Variants in FGF14 observed in about 807,000 individuals in gnomAD.
The protein encoded by FGF14 is fibroblast growth factor homologous factor 4.
A neutral mutation model predicts 25.5 loss-of-function variants in FGF14; 5 were observed. The observed-to-expected ratio is 0.20, with a 90% confidence interval of 0.10 to 0.41. The LOEUF (loss-of-function observed/expected upper bound fraction) is 0.41. Ranked by LOEUF, FGF14 falls within the 10% of genes least tolerant of loss-of-function variation. FGF14 has a pLI of 1.00. For synonymous variants in FGF14, 138 were observed against 118.3 expected (o/e 1.17, Z -1.08); for missense variants, 222 against 320.1 (o/e 0.69, Z 2.34).
intron 1 of FGF14, among the ~76,000 whole-genome samples, chr13:102,135,699 A>G (rs569363131): frequency 1.3e-5 from 2 of 152,202 alleles, no homozygotes; most frequent in South Asian, 2.1e-4. Flanking sequence ...TCTATTGCTC[A>G]GGCTGGAGTG....
At chr13:101,989,762 C>A (rs2038794125) in intron 1 of FGF14, among the ~76,000 whole-genome samples, 1 of 152,088 alleles carries the variant, frequency 6.6e-6, no homozygotes, top group African/African-American at 2.4e-5. Context: ...ATTTTCTCCA[C>A]AATAACATTT....
At chr13:101,983,040 A>T (rs1189444998) in intron 1 of FGF14, among the ~76,000 whole-genome samples, 1 of 152,240 alleles carries the variant, frequency 6.6e-6, no homozygotes, top group African/African-American at 2.4e-5. Flanking sequence ...ACAAAAGCAT[A>T]TCAATTGAGT....
At chr13:102,387,331 T>C (rs1013547734) in intron 1 of FGF14, among the ~76,000 whole-genome samples, 15 of 152,206 alleles carry the variant, frequency 9.9e-5, no homozygotes, top group African/African-American at 3.6e-4. Context: ...AAAGCAAAAA[T>C]TATTTCTAAA....
intron 1 of FGF14, among the ~76,000 whole-genome samples, chr13:102,041,038 T>G (rs2041707936): frequency 6.6e-6 from 1 of 151,976 alleles, no homozygotes; most frequent in South Asian, 2.1e-4. Context: ...AATAATGAAC[T>G]GAATTGAACT....
At chr13:101,733,859 C>T (rs2035990251) in intron 3 of FGF14, among the ~76,000 whole-genome samples, 1 of 151,484 alleles carries the variant, frequency 6.6e-6, no homozygotes, top group South Asian at 2.1e-4. Flanking sequence ...TTATATGTTA[C>T]TTTGATTCAT....
At chr13:101,921,534 C>A (rs541541225), upstream of FGF14, among the ~76,000 whole-genome samples, 1 of 152,292 alleles carries the variant, frequency 6.6e-6, no homozygotes, top group Admixed American at 6.5e-5. Context: ...AAGATCTATT[C>A]TGTCTATCTG....
rs534599410 is a variant in FGF14, at chr13:102,163,054, T to A, written c.208+238417A>T. On this transcript the variant is annotated intron_variant, in intron 1 of 4. Coordinates refer to the FGF14 transcript ENST00000376131. ...CATCCACATATTTCATATAGAGGGA[T>A]TCATACGTTTCCTCAAAGATACAAT... is the stretch of plus-strand genomic sequence containing the variant. Among the ~76,000 whole-genome samples the A allele has an allele frequency of 2.0e-5, 3 of 152,180 alleles. No individual in the cohort carries two copies. The South Asian group carries it at 6.2e-4, about 32-fold the overall frequency.
chr13:101,948,074 G>A (rs1255979361), intron 1 of FGF14, among the ~76,000 whole-genome samples: 1 of 152,184 alleles, frequency 6.6e-6, no homozygotes. Flanking sequence ...CTACCATTTT[G>A]TCTTTTGTCA....
intron 1 of FGF14, among the ~76,000 whole-genome samples, chr13:102,235,190 T>A (rs549169038): frequency 6.6e-6 from 1 of 152,344 alleles, no homozygotes; most frequent in Non-Finnish European, 1.5e-5. Context: ...GGAAGCTATA[T>A]TTTGGGATCT....
Position 102,161,635 on chromosome 13 carries a change from A to AAGAAGAAGG in FGF14, c.208+239835_208+239836insCCTTCTTCT, listed in dbSNP as rs2047716169. ...GAAGAAGAAGAAGAAGAAGAAGAAGAAGAAGAAGAAGAAGAAGAAGAAGAA... is the reference window on the plus strand; with the variant it reads ...GAAGAAGAAGAAGAAGAAGAAGAAGAAGAAGAAGGAGAAGAAGAAGAAGAAGAAGAAGAA... On this transcript the variant is annotated intron_variant, in intron 1 of 4. Transcript: ENST00000376131. Among the ~76,000 whole-genome samples the AAGAAGAAGG allele has an allele frequency of 3.5e-4, 4 of 11,402 alleles. 1 individual carries two copies. Among genetic ancestry groups the AAGAAGAAGG allele is most frequent in the African/African-American group, 4.8e-4 (1 of 2,102 alleles). 7.5% of individuals were successfully genotyped at this position (11,402 alleles called of 152,430 possible).
At chr13:102,363,661 A>G (rs1302283093) in intron 1 of FGF14, among the ~76,000 whole-genome samples, 3 of 152,200 alleles carry the variant, frequency 2.0e-5, no homozygotes, top group African/African-American at 7.2e-5. Flanking sequence ...CATTTCTTGA[A>G]CCAGAGAAAA....
chr13:101,985,272 A>G (rs1216203617), intron 1 of FGF14, among the ~76,000 whole-genome samples: 1 of 152,108 alleles, frequency 6.6e-6, no homozygotes, highest in African/African-American at 2.4e-5. Flanking sequence ...AGTTAGTTTA[A>G]TTAAATGAAC....
At position 102,006,727 on chromosome 13, in the gene FGF14, C is replaced by CTTTTTTTTTTTTTTTTTTTTTTTTTT. The variant is rs774872814; in HGVS notation, c.209-131457_209-131432dup. 6.5e-5 allele frequency among the ~76,000 whole-genome samples: 4 copies of CTTTTTTTTTTTTTTTTTTTTTTTTTT among 61,948 alleles called. 1 individual carries two copies. Among genetic ancestry groups the CTTTTTTTTTTTTTTTTTTTTTTTTTT allele is most frequent in the African/African-American group, 2.9e-4 (4 of 13,906 alleles). The allele number at this position is 61,948 out of a possible 152,430, so 40.6% of individuals were successfully genotyped here. ...AAATATGAGTCACAAAATCTTACTT[C>CTTTTTTTTTTTTTTTTTTTTTTTTTT]TTTTTTTTTTTTTTTTTTTTTTTTT... On this transcript the variant is annotated intron_variant, in intron 1 of 4. Coordinates refer to the FGF14 transcript ENST00000376131.
At chr13:101,772,166 A>G (rs1180252866) in intron 3 of FGF14, among the ~76,000 whole-genome samples, 6 of 152,176 alleles carry the variant, frequency 3.9e-5, no homozygotes, top group Admixed American at 6.6e-5. Flanking sequence ...ATGAAGCAAT[A>G]TTAAAAAAGA....
intron 1 of FGF14, among the ~76,000 whole-genome samples, chr13:102,015,132 T>A (rs2040271797): frequency 6.6e-6 from 1 of 152,182 alleles, no homozygotes; most frequent in Non-Finnish European, 1.5e-5. Context: ...GGTCTCAAAC[T>A]CCTGACTTCA....
intron 1 of FGF14, among the ~76,000 whole-genome samples, chr13:102,193,035 AC>A (rs2049191207): frequency 6.6e-6 from 1 of 152,142 alleles, no homozygotes; most frequent in Admixed American, 6.5e-5. Flanking sequence ...AAAGCCACTT[AC>A]GCATGTTTAG....
At chr13:102,256,354 C>T (rs752772046) in intron 1 of FGF14, among the ~76,000 whole-genome samples, 1 of 151,902 alleles carries the variant, frequency 6.6e-6, no homozygotes, top group East Asian at 1.9e-4. Flanking sequence ...AAAAAATTAG[C>T]CAAGCATGGT....
At chr13:101,819,100 C>A (rs73557443) in intron 3 of FGF14, among the ~76,000 whole-genome samples, 4 of 152,082 alleles carry the variant, frequency 2.6e-5, no homozygotes, top group Non-Finnish European at 4.4e-5. Flanking sequence ...ATCATTGTAA[C>A]AAGCTTACAA....
chr13:101,883,797 T>A (rs1029907967), intron 1 of FGF14, among the ~76,000 whole-genome samples: 2 of 151,932 alleles, frequency 1.3e-5, no homozygotes, highest in African/African-American at 4.8e-5. Flanking sequence ...GTATGGTGGC[T>A]CACACCTGTA....
Sources: gnomAD v4.1 joint callset for allele counts (sites outside exome capture counted in the v4.1 genomes callset) on GRCh38, gnomAD v4.1.1 for gene constraint, MANE v1.5 for transcripts, NCBI Gene and HGNC (gene_info 2026-07-23, HGNC 2026-07-21) for gene names.